The following SYT6 variants were observed in gnomAD, a reference collection of about 807,000 sequenced individuals.
SYT6 encodes synaptotagmin 6.
In SYT6, 24 loss-of-function variants were observed where a neutral mutation model predicts 38.4. The observed-to-expected ratio is 0.62, with a 90% CI of 0.45 to 0.88. SYT6 has a LOEUF of 0.88. Among genes scored for constraint, SYT6 ranks in the 40% least tolerant of loss-of-function variants. The pLI is 0.00. For synonymous variants in SYT6, 265 were observed against 241.9 expected, an observed-to-expected ratio of 1.10 and a Z score of -0.89; for missense variants, 611 against 621.0, an observed-to-expected ratio of 0.98 and a Z score of 0.17.
At chr1:114,100,457 C>T (rs992839508) in intron 4 of SYT6, among the ~76,000 whole-genome samples, 5 of 152,164 alleles carry the variant, frequency 3.3e-5, no homozygotes, top group African/African-American at 2.4e-5. Flanking sequence ...GGCACACATC[C>T]CTGGTGGAAA....
intron 1 of SYT6, among the ~76,000 whole-genome samples, chr1:114,140,372 T>C (rs890585277): frequency 6.6e-6 from 1 of 152,168 alleles, no homozygotes; most frequent in African/African-American, 2.4e-5. Flanking sequence ...TGAATTTCTA[T>C]TAAAGCTGCT....
chr1:114,126,471 G>A (rs1452843160), intron 3 of SYT6, among the ~76,000 whole-genome samples: 1 of 152,136 alleles, frequency 6.6e-6, no homozygotes, highest in Admixed American at 6.5e-5. Context: ...AAAAGTCTGT[G>A]ACAGTGCCCA....
rs181671917 is a variant in SYT6, at chr1:114,134,181, C to T, written c.1071+3314G>A. ...TCTGCTTTGGTCCAGACTACCTGAT[C>T]GGGCTGGTTACCCCAGACACAAACC... On this transcript the variant is annotated intron_variant, in intron 3 of 7. Transcript: ENST00000610222. Among the ~76,000 whole-genome samples, 41 of 152,278 alleles carry T rather than the reference C, an allele frequency of 2.7e-4. No individual in the cohort carries two copies. The East Asian group carries it at 5.8e-3, about 22-fold the overall frequency.
At chr1:114,131,533 C>T (rs1013694919) in intron 3 of SYT6, among the ~76,000 whole-genome samples, 2 of 152,186 alleles carry the variant, frequency 1.3e-5, no homozygotes, top group African/African-American at 4.8e-5. Context: ...TTGTAAGCAT[C>T]CTGAACTGGT....
rs1675321996 is a variant in SYT6, at chr1:114,091,888, A to G, written c.*246T>C. The G allele has an allele frequency of 2.2e-6, 2 of 903,056 alleles. No homozygotes were observed. The highest frequency in any genetic ancestry group is 1.6e-5 in the South Asian group (1 of 62,856). The allele number at this position is 903,056 out of a possible 1,614,324, so 55.9% of individuals were successfully genotyped here. A position where few individuals can be genotyped will look rare whatever the true frequency, so the allele number is the denominator to read the frequency against. ...TTTGACCTACACAGGAGCAGGTAAG[A>G]CTCTGGAGTGACGGACGGCTGCCGC... On this transcript the variant is annotated 3_prime_UTR_variant, in exon 8 of 8. Transcript: ENST00000610222.
intron 3 of SYT6, among the ~76,000 whole-genome samples, chr1:114,104,601 T>C (rs1447997681): frequency 6.6e-6 from 1 of 152,168 alleles, no homozygotes; most frequent in Non-Finnish European, 1.5e-5. Context: ...TTTCCTCCCA[T>C]AGGGCTTCCA....
intron 7 of SYT6, 58 bp downstream of exon 7, chr1:114,093,677 G>T: frequency 1.3e-6 from 2 of 1,521,014 alleles, no homozygotes; most frequent in South Asian, 2.3e-5. Flanking sequence ...ACTAGGGGAA[G>T]AAGGAGACAA....
chr1:114,141,537 A>C (rs1390966819), intron 1 of SYT6, among the ~76,000 whole-genome samples: 1 of 152,254 alleles, frequency 6.6e-6, no homozygotes, highest in African/African-American at 2.4e-5. Flanking sequence ...ATAATGCAAA[A>C]GTTCAAAGAT....
rs1257712203 is a variant in SYT6, at chr1:114,103,754, G to A, written c.1072-33C>T. 3.7e-6 allele frequency: 6 copies of A among 1,604,598 alleles called. No individual in the cohort carries two copies. In the Admixed American group the frequency reaches 6.8e-5, roughly 18 times the overall value. On this transcript the variant is annotated intron_variant, in intron 3 of 7. Coordinates refer to ENST00000610222, the MANE Select transcript of SYT6 (RefSeq NM_001253772.2). ...GAAGCACACAAGAGGGCAGATGAGG[G>A]GCTTGCAGACCATGGGCCTCATGTC... is the stretch of plus-strand genomic sequence containing the variant.
At chr1:114,109,329 G>A (rs1048243648) in intron 3 of SYT6, among the ~76,000 whole-genome samples, 1 of 152,254 alleles carries the variant, frequency 6.6e-6, no homozygotes, top group African/African-American at 2.4e-5. Context: ...CCTCTCATGT[G>A]TAGCCCAGTG....
chr1:114,097,973 C>T (rs1036448449), intron 5 of SYT6, 96 bp from the exon 6 acceptor site: 40 of 1,401,464 alleles, frequency 2.9e-5, no homozygotes, highest in Non-Finnish European at 7.8e-6. Context: ...CCCGATGGGT[C>T]TAACTCAGAA....
At chr1:114,120,374 T>C (rs745994487) in intron 3 of SYT6, among the ~76,000 whole-genome samples, 7 of 152,230 alleles carry the variant, frequency 4.6e-5, no homozygotes, top group Non-Finnish European at 8.8e-5. Context: ...CCTTATTGTG[T>C]TATCTGCCAG....
intron 3 of SYT6, among the ~76,000 whole-genome samples, chr1:114,127,675 T>C (rs1003861023): frequency 6.6e-6 from 1 of 152,206 alleles, no homozygotes; most frequent in African/African-American, 2.4e-5. Flanking sequence ...CAAGAAATCC[T>C]TCCAGGGAGG....
At chr1:114,153,500 G>A in intron 1 of SYT6, 110 bp downstream of exon 1, 3 of 549,840 alleles carry the variant, frequency 5.5e-6, no homozygotes, top group Non-Finnish European at 6.5e-6. Flanking sequence ...CCAGAATCCC[G>A]AGCTGGGGAG....
intron 1 of SYT6, among the ~76,000 whole-genome samples, chr1:114,148,560 G>A (rs140351020): frequency 6.6e-6 from 1 of 152,234 alleles, no homozygotes; most frequent in Non-Finnish European, 1.5e-5. Context: ...GCACAGCCCA[G>A]AGGCCAGGGA....
chr1:114,137,453 A>G (rs771964978), intron 3 of SYT6, 42 bp downstream of exon 3: 3 of 1,578,990 alleles, frequency 1.9e-6, no homozygotes, highest in Admixed American at 3.4e-5. Flanking sequence ...CCAACCCAGA[A>G]CCACAAATCC....
chr1:114,114,343 C>A (rs1428730107), intron 3 of SYT6, among the ~76,000 whole-genome samples: 1 of 152,206 alleles, frequency 6.6e-6, no homozygotes, highest in African/African-American at 2.4e-5. Flanking sequence ...CAGTACTGAG[C>A]ACGGTGCCTG....
At chr1:114,128,228 A>G (rs1454845747) in intron 3 of SYT6, among the ~76,000 whole-genome samples, 1 of 150,882 alleles carries the variant, frequency 6.6e-6, no homozygotes, top group East Asian at 1.9e-4. Flanking sequence ...CTTTCAGAAA[A>G]CTCTCCCTCT....
chr1:114,136,064 C>G (rs1431903218), intron 3 of SYT6, among the ~76,000 whole-genome samples: 7 of 152,156 alleles, frequency 4.6e-5, no homozygotes, highest in Admixed American at 4.6e-4. Flanking sequence ...GATGACATTT[C>G]AGGAAAGCAA....
Sources: gnomAD v4.1 joint callset for allele counts (sites outside exome capture counted in the v4.1 genomes callset) on GRCh38, gnomAD v4.1.1 for gene constraint, MANE v1.5 for transcripts, NCBI Gene and HGNC (gene_info 2026-07-23, HGNC 2026-07-21) for gene names.